The following RPL3L variants were observed in gnomAD, a reference collection of about 807,000 sequenced individuals.
RPL3L encodes ribosomal protein uL3-like.
Under a neutral mutation model 44.5 loss-of-function variants are expected in RPL3L, and 44 were observed. The observed-to-expected ratio is 0.99, with a 90% CI of 0.78 to 1.27. The LOEUF is 1.27. Among genes scored for constraint, RPL3L ranks in the 50% most tolerant of loss-of-function variants. The pLI, the probability that RPL3L is intolerant of heterozygous loss-of-function variation, is 0.00. For missense variants in RPL3L, 631 were observed against 569.1 expected (o/e 1.11, Z -1.11); for synonymous variants, 292 against 230.7 (o/e 1.27, Z -2.41).
chr16:1,952,710 AACACAC>A (rs142507470), intron 3 of RPL3L, among the ~76,000 whole-genome samples, 158 bp downstream of exon 3: 27 of 150,690 alleles, frequency 1.8e-4, no homozygotes, highest in African/African-American at 6.1e-4. Context: ...GCAACCACAC[AACACAC>A]ACACACACAC....
At chr16:1,949,293 G>A (rs114058039) in intron 4 of RPL3L, among the ~76,000 whole-genome samples, 4,925 of 105,014 alleles carry the variant, frequency 0.047, 182 homozygotes, top group African/African-American at 0.11. Flanking sequence ...AGACTCTATC[G>A]CCCGGGCTGG....
chr16:1,952,106 G>A (rs948554299), intron 3 of RPL3L, among the ~76,000 whole-genome samples: 1 of 151,344 alleles, frequency 6.6e-6, no homozygotes, highest in African/African-American at 2.4e-5. Context: ...CTGCCACCAC[G>A]CCCAGCTTAT....
At chr16:1,952,212 AC>A (rs1194644937) in intron 3 of RPL3L, among the ~76,000 whole-genome samples, 4 of 150,894 alleles carry the variant, frequency 2.7e-5, no homozygotes, top group Admixed American at 2.6e-4. Context: ...CAAATGAGCC[AC>A]CCGCCTTGGC....
At chr16:1,949,003 G>A (rs562913011) in intron 4 of RPL3L, among the ~76,000 whole-genome samples, 7 of 138,106 alleles carry the variant, frequency 5.1e-5, no homozygotes, top group South Asian at 2.2e-4. Flanking sequence ...GAGCCACCGC[G>A]CCTGGCTTTT....
At chr16:1,947,148 C>A (rs2083128714) in intron 5 of RPL3L, 46 bp downstream of exon 5, 4 of 1,612,944 alleles carry the variant, frequency 2.5e-6, no homozygotes, top group Non-Finnish European at 3.4e-6. Context: ...GTCCCCACTG[C>A]CTCCAGGCAG....
Position 1,944,591 on chromosome 16 carries a change from T to G in RPL3L, c.*246A>C. On this transcript the variant is annotated 3_prime_UTR_variant, in exon 10 of 10. Coordinates refer to ENST00000268661, the MANE Select transcript of RPL3L (RefSeq NM_005061.3). ...TCTGCTCCGCAAATGCTCAAAGAGATCGATTTGAGTAATAATAAAACATAA... is the reference window on the plus strand; with the variant it reads ...TCTGCTCCGCAAATGCTCAAAGAGAGCGATTTGAGTAATAATAAAACATAA... 2 of 393,274 alleles carry G rather than the reference T, an allele frequency of 5.1e-6. No individual in the cohort carries two copies. The highest frequency in any genetic ancestry group is 4.7e-6 in the Non-Finnish European group (1 of 213,638). The allele number at this position is 393,274 out of a possible 1,614,324, so 24.4% of individuals were successfully genotyped here.
chr16:1,947,155 G>C (rs963880015), intron 5 of RPL3L, 39 bp downstream of exon 5: 1 of 1,612,778 alleles, frequency 6.2e-7, no homozygotes, highest in Non-Finnish European at 8.5e-7. Flanking sequence ...CTGCCTCCAG[G>C]CAGCCTGCCC....
Position 1,953,983 on chromosome 16 carries a change from G to C in RPL3L, c.169C>G (p.Leu57Val), listed in dbSNP as rs957909033. The C allele has an allele frequency of 6.3e-7, 1 of 1,582,340 alleles. No homozygotes were observed. The highest frequency in any genetic ancestry group is 2.3e-5 in the East Asian group (1 of 43,154). Residue 57 changes from leucine (L) to valine (V), a missense_variant, in exon 2 of 10, where the codon CTG becomes GTG. Leu to Val is a conservative substitution (Grantham distance 32). Coordinates refer to ENST00000268661, the MANE Select transcript of RPL3L (RefSeq NM_005061.3). ...LGYKAGMTHT[L>V]REVHRPGLKI... ...AGCCCCGGCCGGTGCACCTCCCGCA[G>C]GGTGTGGGTCATGCCCGCCTTGTAG...
At position 1,949,244 on chromosome 16, in the gene RPL3L, GT is replaced by G. The variant is rs1425634978; in HGVS notation, c.501+1599del. 5.6e-3 allele frequency among the ~76,000 whole-genome samples: 462 copies of G among 81,932 alleles called. 4 individuals carry two copies. Among genetic ancestry groups the G allele is most frequent in the East Asian group, 0.017 (49 of 2,848 alleles). 53.8% of individuals were successfully genotyped at this position (81,932 alleles called of 152,430 possible). On this transcript the variant is annotated intron_variant, in intron 4 of 9. Coordinates refer to ENST00000268661, the MANE Select transcript of RPL3L (RefSeq NM_005061.3). ...GTGTAAGCCACTGGGCCTGATTTTTGTTTTTTTTTTTTTTCTTTTTTTTTTT... is the reference window on the plus strand; with the variant it reads ...GTGTAAGCCACTGGGCCTGATTTTTGTTTTTTTTTTTTTCTTTTTTTTTTT...
intron 7 of RPL3L, among the ~76,000 whole-genome samples, 191 bp downstream of exon 7, chr16:1,946,434 T>A (rs768453696): frequency 8.5e-5 from 13 of 152,368 alleles, no homozygotes; most frequent in South Asian, 2.1e-4. Context: ...GTCAAGGTCT[T>A]CTGTCCAGTG....
rs757734445 is a variant in RPL3L at position 1,952,981 on chromosome 16, C to T, written c.258G>A (p.Val86=). The part of the protein sequence containing the change: ...VTIVETPPLV[V]VGVVGYVATP... The stretch of plus-strand genomic sequence containing the variant: ...TGGCCACGTAGCCCACCACGCCCAC[C>T]ACCACTAGGGGCGGCGTTTCTACAA... Residue 86 remains valine, a synonymous_variant, in exon 3 of 10, where the codon GTG becomes GTA. Transcript: ENST00000268661. 3.7e-6 allele frequency: 6 copies of T among 1,612,800 alleles called. No homozygotes were observed. Among genetic ancestry groups the T allele is most frequent in the Admixed American group, 1.7e-5 (1 of 59,626 alleles).
intron 2 of RPL3L, among the ~76,000 whole-genome samples, chr16:1,953,615 T>C (rs2083186403): frequency 6.6e-6 from 1 of 152,160 alleles, no homozygotes; most frequent in Non-Finnish European, 1.5e-5. Context: ...GTACATGAAA[T>C]AGACCCGAAA....
chr16:1,947,455 G>C, intron 4 of RPL3L, 75 bp from the exon 5 acceptor site: 1 of 1,436,966 alleles, frequency 7.0e-7, no homozygotes, highest in Non-Finnish European at 9.2e-7. Context: ...ATGGCCAGCA[G>C]TGACCCCTGC....
chr16:1,945,995 G>A, intron 7 of RPL3L, 65 bp from the exon 8 acceptor site: 2 of 1,423,554 alleles, frequency 1.4e-6, no homozygotes, highest in South Asian at 1.3e-5. Flanking sequence ...GTGGCTGGGG[G>A]CCCTAGCAGA....
intron 4 of RPL3L, among the ~76,000 whole-genome samples, chr16:1,948,714 T>C (rs2083144566): frequency 6.9e-6 from 1 of 144,012 alleles, no homozygotes; most frequent in African/African-American, 2.9e-5. Flanking sequence ...TTTTTTTGTT[T>C]GTTTGTTTGT....
At position 1,952,860 on chromosome 16, in the gene RPL3L, A is replaced by C; in HGVS notation, c.365+14T>G. Reference sequence around the variant, plus strand: ...CAGCAGCCCTTGGACGGCCCAGCCAAGGGCGGTGCTCACCAGTCCTTGTAG... The same window carrying C: ...CAGCAGCCCTTGGACGGCCCAGCCACGGGCGGTGCTCACCAGTCCTTGTAG... On this transcript the variant is annotated intron_variant, in intron 3 of 9. Coordinates refer to ENST00000268661, the MANE Select transcript of RPL3L (RefSeq NM_005061.3). 1 of 1,613,258 alleles carries C rather than the reference A, an allele frequency of 6.2e-7. No homozygotes were observed. Among genetic ancestry groups the C allele is most frequent in the Non-Finnish European group, 8.5e-7 (1 of 1,179,926 alleles).
In RPL3L at chr16:1,952,969, C is replaced by T; in HGVS notation, c.270G>A (p.Val90=). 6.2e-7 allele frequency: 1 copy of T among 1,613,118 alleles called. No individual in the cohort carries two copies. The highest frequency in any genetic ancestry group is 1.3e-5 in the African/African-American group (1 of 74,990). Residue 90 remains valine (V), a synonymous_variant, in exon 3 of 10, where the codon GTG becomes GTA. Coordinates refer to ENST00000268661, the MANE Select transcript of RPL3L (RefSeq NM_005061.3). ...GACCTCGAGGGGTGGCCACGTAGCC[C>T]ACCACGCCCACCACCACTAGGGGCG... is the stretch of plus-strand genomic sequence containing the variant. ...ETPPLVVVGV[V]GYVATPRGLR...
intron 3 of RPL3L, among the ~76,000 whole-genome samples, chr16:1,952,558 T>C (rs1259793915): frequency 6.6e-6 from 1 of 151,702 alleles, no homozygotes; most frequent in Non-Finnish European, 1.5e-5. Flanking sequence ...TATTTTTTGG[T>C]AGAGATGGGG....
At chr16:1,951,524 G>A (rs1324033086) in intron 3 of RPL3L, among the ~76,000 whole-genome samples, 1 of 152,094 alleles carries the variant, frequency 6.6e-6, no homozygotes, top group African/African-American at 2.4e-5. Flanking sequence ...GAGACCACAG[G>A]CATGCGCCAC....
Sources: allele counts gnomAD v4.1 joint callset (sites outside exome capture counted in the v4.1 genomes callset), GRCh38; gene constraint gnomAD v4.1.1; transcripts MANE v1.5; gene names NCBI Gene and HGNC (gene_info 2026-07-23, HGNC 2026-07-21).